The following RMP64 variants were observed in gnomAD, a reference collection of about 807,000 sequenced individuals.
RMP64 encodes nucleolus and neural progenitor protein.
At chr3:113,018,061 T>A in the RMP64 span, among the ~76,000 whole-genome samples, 7 of 152,350 alleles carry the variant, frequency 4.6e-5, no homozygotes, top group South Asian at 8.3e-4. Context: ...AAGGCTTCTG[T>A]GTTTGGATAT....
the RMP64 span, chr3:113,010,732 A>T: frequency 5.1e-6 from 8 of 1,576,496 alleles, no homozygotes; most frequent in African/African-American, 1.1e-4. Flanking sequence ...TTGCAGATAC[A>T]AAACCTTAGG....
the RMP64 span, chr3:113,010,677 G>C: frequency 6.2e-7 from 1 of 1,613,574 alleles, no homozygotes. Context: ...GTTGCAGAAA[G>C]CCCTCACATC....
the RMP64 span, chr3:113,012,582 A>C: frequency 2.0e-6 from 1 of 508,396 alleles, no homozygotes; most frequent in Non-Finnish European, 3.5e-6. Context: ...CGGCTTCCCA[A>C]TCTACCCTCA....
chr3:113,005,737 AG>A, the RMP64 span: 1 of 1,613,860 alleles, frequency 6.2e-7, no homozygotes, highest in Admixed American at 1.7e-5. Context: ...GCTTACTGTT[AG>A]GGTAGAGATC....
the RMP64 span, among the ~76,000 whole-genome samples, chr3:113,009,780 A>C: frequency 1.3e-5 from 2 of 152,218 alleles, no homozygotes; most frequent in African/African-American, 4.8e-5. Context: ...GACTTCATGC[A>C]TATAAAAGCA....
chr3:113,005,626 C>T, the RMP64 span: 3 of 1,613,790 alleles, frequency 1.9e-6, no homozygotes, highest in African/African-American at 4.0e-5. Flanking sequence ...GCATCACCGT[C>T]CACGAATCAG....
the RMP64 span, chr3:113,012,880 TGAA>T: frequency 2.2e-6 from 2 of 904,278 alleles, no homozygotes; most frequent in Non-Finnish European, 3.7e-6. Context: ...CAATCATGAA[TGAA>T]GAAATATATT....
chr3:113,005,732 C>T, the RMP64 span: 11 of 1,613,996 alleles, frequency 6.8e-6, no homozygotes, highest in African/African-American at 6.7e-5. Context: ...GAGCTGCTTA[C>T]TGTTAGGGTA....
At chr3:113,013,415 T>C in the RMP64 span, 8,511 of 1,565,996 alleles carry the variant, frequency 5.4e-3, 372 homozygotes, top group African/African-American at 0.098. Context: ...TTGAAAAAAA[T>C]AGAAAAAGTA....
chr3:113,006,956 A>G, the RMP64 span, among the ~76,000 whole-genome samples: 5 of 152,238 alleles, frequency 3.3e-5, no homozygotes, highest in African/African-American at 7.2e-5. Context: ...TACTACAAAT[A>G]TATTAATGAA....
At chr3:113,011,486 C>G in the RMP64 span, 1 of 1,318,468 alleles carries the variant, frequency 7.6e-7, no homozygotes, top group South Asian at 1.5e-5. Flanking sequence ...AGATTGAAAG[C>G]TGAAAATAAA....
the RMP64 span, chr3:113,003,509 A>C: frequency 6.6e-6 from 1 of 152,228 alleles, no homozygotes; most frequent in Non-Finnish European, 1.5e-5. Flanking sequence ...AATTCCTTAT[A>C]AACATACAAA....
At chr3:113,008,232 A>T in the RMP64 span, 1 of 1,614,162 alleles carries the variant, frequency 6.2e-7, no homozygotes. Flanking sequence ...TTACCCAGAA[A>T]AATGGCCTGA....
chr3:113,007,071 G>T, the RMP64 span, among the ~76,000 whole-genome samples: 1 of 152,088 alleles, frequency 6.6e-6, no homozygotes, highest in East Asian at 1.9e-4. Flanking sequence ...TTAACTTTTA[G>T]TTGTTACCTC....
chr3:113,002,818 G>A, the RMP64 span: 27 of 153,106 alleles, frequency 1.8e-4, no homozygotes, highest in African/African-American at 5.5e-4. Flanking sequence ...AGGGGATGGG[G>A]TGGCCCCACA....
chr3:113,013,963 ACAACT>A, the RMP64 span: 1 of 1,612,490 alleles, frequency 6.2e-7, no homozygotes, highest in Non-Finnish European at 8.5e-7. Context: ...TTGGAAGAAA[ACAACT>A]CAAACAGGTC....
At chr3:113,012,390 C>A in the RMP64 span, 1 of 182,002 alleles carries the variant, frequency 5.5e-6, no homozygotes, top group East Asian at 1.3e-4. Context: ...CTGCAATTCC[C>A]AGTCACAGGC....
chr3:113,011,647 A>G, the RMP64 span: 2 of 324,200 alleles, frequency 6.2e-6, no homozygotes, highest in Non-Finnish European at 1.1e-5. Flanking sequence ...ATATATATTC[A>G]AAAAGTACTA....
the RMP64 span, chr3:113,017,716 T>C: frequency 6.4e-6 from 6 of 940,394 alleles, no homozygotes; most frequent in Non-Finnish European, 9.5e-6. Context: ...AATCAAAAAC[T>C]AATGTAATCA....
Sources: allele counts gnomAD v4.1 joint callset (sites outside exome capture counted in the v4.1 genomes callset), GRCh38; gene constraint gnomAD v4.1.1; transcripts MANE v1.5; gene names NCBI Gene and HGNC (gene_info 2026-07-23, HGNC 2026-07-21).